TRIM24: variants seen among roughly 807,000 people sequenced by gnomAD.
The protein encoded by TRIM24 is transcription intermediary factor 1-alpha.
In TRIM24, 29 loss-of-function variants were observed where a neutral mutation model predicts 123.9. The ratio of observed to expected loss-of-function variants is 0.23; its 90% CI spans 0.17 to 0.32. The LOEUF is 0.32. Ranked by LOEUF, TRIM24 falls within the 10% of genes least tolerant of loss-of-function variation. TRIM24 has a pLI of 1.00. For missense variants in TRIM24, 932 were observed against 1,295.3 expected (o/e 0.72, Z 4.31); for synonymous variants, 456 against 461.1 (o/e 0.99, Z 0.14).
intron 1 of TRIM24, among the ~76,000 whole-genome samples, chr7:138,464,064 G>T (rs936669372): frequency 7.2e-6 from 1 of 139,812 alleles, no homozygotes; most frequent in Non-Finnish European, 1.5e-5. Context: ...GTGCGATCTC[G>T]GCTCACTGCT....
chr7:138,485,602 C>G (rs1310358391), intron 1 of TRIM24, among the ~76,000 whole-genome samples: 1 of 151,798 alleles, frequency 6.6e-6, no homozygotes, highest in Non-Finnish European at 1.5e-5. Flanking sequence ...GAACATGCAG[C>G]ATTTGGTTTT....
chr7:138,542,880 T>C (rs1797031236), intron 7 of TRIM24, among the ~76,000 whole-genome samples: 1 of 152,238 alleles, frequency 6.6e-6, no homozygotes, highest in Non-Finnish European at 1.5e-5. Flanking sequence ...CTTTCATAAT[T>C]ATCAGTGCTA....
intron 4 of TRIM24, among the ~76,000 whole-genome samples, chr7:138,519,863 T>G (rs1796471526): frequency 6.6e-6 from 1 of 152,128 alleles, no homozygotes; most frequent in Non-Finnish European, 1.5e-5. Context: ...AAAGCTCACT[T>G]TTAAATCTGA....
At chr7:138,494,363 C>G (rs1584698610) in intron 1 of TRIM24, among the ~76,000 whole-genome samples, 2 of 152,072 alleles carry the variant, frequency 1.3e-5, no homozygotes, top group Non-Finnish European at 2.9e-5. Flanking sequence ...GAGTGACCCT[C>G]CCGCCTTGGC....
intron 1 of TRIM24, among the ~76,000 whole-genome samples, chr7:138,499,747 A>G (rs997547469): frequency 5.3e-5 from 8 of 151,522 alleles, no homozygotes; most frequent in African/African-American, 1.7e-4. Flanking sequence ...ATTCAAGGCA[A>G]CCTGGAGCAC....
chr7:138,511,614 C>T (rs147682903), intron 2 of TRIM24, among the ~76,000 whole-genome samples: 91 of 152,240 alleles, frequency 6.0e-4, no homozygotes, highest in African/African-American at 2.0e-3. Context: ...TAAATGAACA[C>T]ATCTCCATGT....
intron 11 of TRIM24, among the ~76,000 whole-genome samples, chr7:138,572,647 A>G (rs962835751): frequency 1.3e-5 from 2 of 152,330 alleles, no homozygotes; most frequent in African/African-American, 2.4e-5. Context: ...TTGATTCATT[A>G]TATACAAACT....
At chr7:138,520,166 G>T (rs987597199) in intron 4 of TRIM24, among the ~76,000 whole-genome samples, 2 of 152,222 alleles carry the variant, frequency 1.3e-5, no homozygotes. Flanking sequence ...GAGTAATTTT[G>T]ATAGGCTCAC....
At chr7:138,495,139 T>G (rs1795875238) in intron 1 of TRIM24, among the ~76,000 whole-genome samples, 1 of 152,262 alleles carries the variant, frequency 6.6e-6, no homozygotes, top group Non-Finnish European at 1.5e-5. Flanking sequence ...TAAAAATGAT[T>G]ATTTATAGGG....
chr7:138,543,964 A>G (rs1797053053), intron 7 of TRIM24, among the ~76,000 whole-genome samples: 1 of 152,064 alleles, frequency 6.6e-6, no homozygotes, highest in East Asian at 1.9e-4. Context: ...TTCCCCAAGT[A>G]GCTGGGACTA....
rs373781644 is a variant in TRIM24, at chr7:138,508,884, G to A, written c.483+4476G>A. On this transcript the variant is annotated intron_variant, in intron 2 of 18. Coordinates refer to ENST00000343526, the MANE Select transcript of TRIM24 (RefSeq NM_015905.3). ...ATATTTGGAGACCACAGTATGGTAC[G>A]GTGGGTGCTCATCATCATTGAGTTG... Among the ~76,000 whole-genome samples, 13 of 152,080 alleles carry A rather than the reference G, an allele frequency of 8.5e-5. No homozygotes were observed. The South Asian group carries it at 2.3e-3, about 27-fold the overall frequency.
chr7:138,585,085 T>TTTGA lies in TRIM24; in HGVS notation c.*137_*140dup. On this transcript the variant is annotated 3_prime_UTR_variant, in exon 19 of 19. Coordinates refer to ENST00000343526, the MANE Select transcript of TRIM24 (RefSeq NM_015905.3). ...TCTCTGTTTTGGACGTTTACTAGACTTTGATTTCCTTAATAGCCCATTTCT... is the reference window on the plus strand; with the variant it reads ...TCTCTGTTTTGGACGTTTACTAGACTTTGATTGATTTCCTTAATAGCCCATTTCT... 1 of 669,990 alleles carries TTTGA rather than the reference T, an allele frequency of 1.5e-6. No individual in the cohort carries two copies. The highest frequency in any genetic ancestry group is 2.4e-6 in the Non-Finnish European group (1 of 424,190). The allele number at this position is 669,990 out of a possible 1,614,324, so 41.5% of individuals were successfully genotyped here.
chr7:138,570,710 T>G (rs1435928027), intron 10 of TRIM24, 120 bp from the exon 11 acceptor site: 2 of 897,602 alleles, frequency 2.2e-6, no homozygotes, highest in Admixed American at 5.2e-5. Flanking sequence ...TGCTGTCCCA[T>G]TCTCCTTCCA....
intron 7 of TRIM24, among the ~76,000 whole-genome samples, chr7:138,542,042 T>C (rs553890890): frequency 6.6e-6 from 1 of 152,368 alleles, no homozygotes; most frequent in South Asian, 2.1e-4. Flanking sequence ...GTTAAGGTTA[T>C]GTTATAGCTG....
At chr7:138,558,477 T>TA (rs1797361448) in intron 9 of TRIM24, among the ~76,000 whole-genome samples, 1 of 152,182 alleles carries the variant, frequency 6.6e-6, no homozygotes, top group South Asian at 2.1e-4. Flanking sequence ...CTTTGCTTCC[T>TA]ACTGCCATTG....
intron 9 of TRIM24, among the ~76,000 whole-genome samples, chr7:138,566,609 A>G (rs563941238): frequency 6.6e-6 from 1 of 152,328 alleles, no homozygotes; most frequent in South Asian, 2.1e-4. Flanking sequence ...ATGTTTTGGT[A>G]ATGATATGGC....
At chr7:138,501,739 T>C (rs1375502069) in intron 1 of TRIM24, among the ~76,000 whole-genome samples, 2 of 151,672 alleles carry the variant, frequency 1.3e-5, no homozygotes, top group Admixed American at 1.3e-4. Context: ...TACAAAAAAT[T>C]AGCCGGCTGT....
At chr7:138,546,667 C>A (rs1205752757) in intron 7 of TRIM24, among the ~76,000 whole-genome samples, 1 of 152,154 alleles carries the variant, frequency 6.6e-6, no homozygotes, top group African/African-American at 2.4e-5. Context: ...CATAACTTAA[C>A]ACTCAGGGAA....
intron 18 of TRIM24, 55 bp downstream of exon 18, chr7:138,584,054 TA>T: frequency 6.5e-7 from 1 of 1,548,148 alleles, no homozygotes; most frequent in Non-Finnish European, 8.6e-7. Flanking sequence ...AAAATCATTT[TA>T]TTACTAAACA....
Sources: allele counts gnomAD v4.1 joint callset (sites outside exome capture counted in the v4.1 genomes callset), GRCh38; gene constraint gnomAD v4.1.1; transcripts MANE v1.5; gene names NCBI Gene and HGNC (gene_info 2026-07-23, HGNC 2026-07-21).